Variants in CCDC83 observed in about 807,000 individuals in gnomAD.
The protein encoded by CCDC83 is coiled-coil domain containing 83, also known as coiled-coil domain-containing protein 83.
CCDC83 carries 54 observed loss-of-function variants against 50.1 expected under a neutral mutation model. The observed-to-expected ratio is 1.08, with a 90% CI of 0.87 to 1.35. The LOEUF (loss-of-function observed/expected upper bound fraction) is 1.35, where lower values mean the gene tolerates loss of function less well. Ranked by LOEUF, CCDC83 falls within the 40% of genes most tolerant of loss-of-function variation. The pLI is 0.00. For synonymous variants in CCDC83, 161 were observed against 153.3 expected (o/e 1.05, Z -0.37); for missense variants, 518 against 473.9 (o/e 1.09, Z -0.86).
At position 85,916,076 on chromosome 11, in the gene CCDC83, T is replaced by C. The variant is rs1388850404; in HGVS notation, c.923T>C (p.Met308Thr). The change falls in exon 10 of 11, where the codon ATG becomes ACG. Residue 308 changes from methionine to threonine, a missense_variant. By Grantham distance (81) the Met-to-Thr change is moderately conservative. Coordinates refer to ENST00000342404, the MANE Select transcript of CCDC83 (RefSeq NM_001286159.2). ...ACAGAAGTAGAAAGTAGAGACTTGA[T>C]GTCCTCATCAGATGAGAGCACTATC... Reference protein sequence around the residue: ...QPTEVESRDLMSSSDESTILH... With the variant: ...QPTEVESRDLTSSSDESTILH... The C allele has an allele frequency of 1.2e-6, 2 of 1,613,340 alleles. No individual in the cohort carries two copies. Among genetic ancestry groups the C allele is most frequent in the African/African-American group, 2.7e-5 (2 of 75,020 alleles).
At chr11:85,907,415 G>A (rs1335574952) in intron 7 of CCDC83, among the ~76,000 whole-genome samples, 2 of 152,150 alleles carry the variant, frequency 1.3e-5, no homozygotes, top group African/African-American at 4.8e-5. Flanking sequence ...TAGACAAAGG[G>A]AATCAAGGAA....
At chr11:85,878,861 A>G (rs1269984180) in intron 3 of CCDC83, among the ~76,000 whole-genome samples, 1 of 152,122 alleles carries the variant, frequency 6.6e-6, no homozygotes, top group Non-Finnish European at 1.5e-5. Flanking sequence ...GCACTATTTT[A>G]TGTTAGCCTT....
At chr11:85,882,791 T>C in intron 4 of CCDC83, 116 bp downstream of exon 4, 1 of 921,358 alleles carries the variant, frequency 1.1e-6, no homozygotes, top group Non-Finnish European at 1.6e-6. Flanking sequence ...TTAAACGGCA[T>C]CATTACCACC....
chr11:85,860,527 A>T (rs1049462358), intron 1 of CCDC83, among the ~76,000 whole-genome samples: 3 of 152,192 alleles, frequency 2.0e-5, no homozygotes, highest in African/African-American at 7.2e-5. Flanking sequence ...AAAAGGGAAC[A>T]CTTATACACT....
intron 7 of CCDC83, among the ~76,000 whole-genome samples, chr11:85,907,237 TTTG>T (rs2093430053): frequency 6.6e-6 from 1 of 152,234 alleles, no homozygotes; most frequent in Admixed American, 6.5e-5. Context: ...ATTATCTTTT[TTTG>T]TTGTTGTTTT....
intron 7 of CCDC83, among the ~76,000 whole-genome samples, chr11:85,906,600 T>C (rs2093426623): frequency 6.6e-6 from 1 of 152,082 alleles, no homozygotes; most frequent in Non-Finnish European, 1.5e-5. Context: ...ACAAATCACC[T>C]GGGCATGGTG....
intron 6 of CCDC83, among the ~76,000 whole-genome samples, chr11:85,895,687 T>C (rs963219937): frequency 1.3e-5 from 2 of 152,238 alleles, no homozygotes; most frequent in Admixed American, 6.5e-5. Flanking sequence ...ACTTAGCTTT[T>C]CTGGGCTTCT....
At chr11:85,904,671 T>G (rs1277273685) in intron 7 of CCDC83, among the ~76,000 whole-genome samples, 1 of 152,330 alleles carries the variant, frequency 6.6e-6, no homozygotes, top group African/African-American at 2.4e-5. Flanking sequence ...TATTTTCACG[T>G]GGATGTCCCA....
chr11:85,879,807 T>C (rs2093289482), intron 3 of CCDC83, among the ~76,000 whole-genome samples: 2 of 152,094 alleles, frequency 1.3e-5, no homozygotes, highest in African/African-American at 4.8e-5. Flanking sequence ...TTAATAGAGA[T>C]GTGGTTTCAC....
chr11:85,872,906 T>A (rs1020190218), intron 2 of CCDC83, among the ~76,000 whole-genome samples: 3 of 152,276 alleles, frequency 2.0e-5, no homozygotes, highest in African/African-American at 7.2e-5. Context: ...GTTTTCTGTA[T>A]GCCCACTCCT....
intron 5 of CCDC83, among the ~76,000 whole-genome samples, chr11:85,888,949 C>T (rs1212001667): frequency 1.3e-5 from 2 of 152,190 alleles, no homozygotes; most frequent in South Asian, 4.1e-4. Flanking sequence ...AGTTATTGTT[C>T]TGGTACATTT....
chr11:85,866,749 A>T lies in CCDC83; in HGVS notation c.95+1531A>T, dbSNP rs144789212. Reference sequence around the variant, plus strand: ...TAGGGTGCTGTTTAACAGTGTAACTAAAGGACTTTAGTCAGAGGAGTTAGG... The same window carrying T: ...TAGGGTGCTGTTTAACAGTGTAACTTAAGGACTTTAGTCAGAGGAGTTAGG... On this transcript the variant is annotated intron_variant, in intron 2 of 10. Coordinates refer to ENST00000342404, the MANE Select transcript of CCDC83 (RefSeq NM_001286159.2). 3.5e-3 allele frequency among the ~76,000 whole-genome samples: 535 copies of T among 152,322 alleles called. 6 individuals are homozygous for T. Among genetic ancestry groups the T allele is most frequent in the Middle Eastern group, 0.01 (3 of 294 alleles).
At chr11:85,881,019 A>G (rs1401311224) in intron 3 of CCDC83, among the ~76,000 whole-genome samples, 1 of 152,198 alleles carries the variant, frequency 6.6e-6, no homozygotes, top group African/African-American at 2.4e-5. Context: ...GCAACCTGTC[A>G]CATGACATCA....
intron 1 of CCDC83, among the ~76,000 whole-genome samples, chr11:85,860,965 A>G (rs1383845529): frequency 6.6e-6 from 1 of 151,696 alleles, no homozygotes; most frequent in Non-Finnish European, 1.5e-5. Flanking sequence ...GGAAAAATAG[A>G]CACTGTCTAT....
chr11:85,875,085 A>C (rs2093261478), intron 3 of CCDC83, among the ~76,000 whole-genome samples: 1 of 152,188 alleles, frequency 6.6e-6, no homozygotes, highest in Admixed American at 6.5e-5. Context: ...TGGTCCCCCT[A>C]CCCAAAGGCA....
At chr11:85,871,202 T>C (rs1267363500) in intron 2 of CCDC83, among the ~76,000 whole-genome samples, 1 of 152,168 alleles carries the variant, frequency 6.6e-6, no homozygotes, top group Non-Finnish European at 1.5e-5. Flanking sequence ...ATCTCTATAA[T>C]GCCTAAAACA....
chr11:85,869,828 T>C (rs2093227422), intron 2 of CCDC83, among the ~76,000 whole-genome samples: 1 of 152,252 alleles, frequency 6.6e-6, no homozygotes, highest in African/African-American at 2.4e-5. Context: ...AAGCTTCATC[T>C]GCTTCCTGGT....
At chr11:85,879,005 C>CAT (rs2093284061) in intron 3 of CCDC83, among the ~76,000 whole-genome samples, 1 of 146,932 alleles carries the variant, frequency 6.8e-6, no homozygotes, top group African/African-American at 2.6e-5. Context: ...TTGAGTTTTA[C>CAT]GTATATATAT....
intron 7 of CCDC83, among the ~76,000 whole-genome samples, chr11:85,903,585 G>A (rs1232613063): frequency 6.6e-6 from 1 of 152,046 alleles, no homozygotes; most frequent in Non-Finnish European, 1.5e-5. Context: ...TTACAGGCGT[G>A]AGCCACCACC....
Sources: allele counts gnomAD v4.1 joint callset (sites outside exome capture counted in the v4.1 genomes callset), GRCh38; gene constraint gnomAD v4.1.1; transcripts MANE v1.5; gene names NCBI Gene and HGNC (gene_info 2026-07-23, HGNC 2026-07-21).